The following TECTA variants were observed in gnomAD, a reference collection of about 807,000 sequenced individuals.
TECTA encodes alpha-tectorin.
TECTA carries 128 observed loss-of-function variants against 216.8 expected under a neutral mutation model. That is an observed-to-expected ratio of 0.59 (90% confidence interval 0.51 to 0.68). The LOEUF (loss-of-function observed/expected upper bound fraction) is 0.68. Among genes scored for constraint, TECTA ranks in the 30% least tolerant of loss-of-function variants. The pLI is 0.00. For missense variants in TECTA, 2,551 were observed against 2,786.2 expected (o/e 0.92, Z 1.90); for synonymous variants, 1,089 against 1,117.1 (o/e 0.97, Z 0.50).
Position 121,129,911 on chromosome 11 carries a change from T to C in TECTA, c.2641T>C (p.Phe881Leu). The change falls in exon 10 of 24, where the codon TTC (phenylalanine) becomes CTC (leucine). Residue 881 changes from phenylalanine to leucine, a missense_variant. This residue lies in a region of TECTA where 2,375 missense variants were observed against 2,563.9 expected (regional missense o/e 0.93). Transcript: ENST00000392793. ...LAVFLESWTT[F>L]EEICNGECGD... Reference sequence around the variant, plus strand: ...AGTGTTCCTGGAAAGCTGGACAACTTTCGAGGAGATCTGCAATGGAGAGTG... The same window carrying C: ...AGTGTTCCTGGAAAGCTGGACAACTCTCGAGGAGATCTGCAATGGAGAGTG... The C allele has an allele frequency of 6.2e-7, 1 of 1,613,896 alleles. No homozygotes were observed.
At chr11:121,146,856 T>C (rs374748429) in intron 12 of TECTA, among the ~76,000 whole-genome samples, 10 of 152,334 alleles carry the variant, frequency 6.6e-5, no homozygotes, top group Admixed American at 3.3e-4. Context: ...GCTAAACGTT[T>C]TATCAATATA....
At chr11:121,112,373 C>T (rs931569703) in intron 4 of TECTA, among the ~76,000 whole-genome samples, 4 of 152,156 alleles carry the variant, frequency 2.6e-5, no homozygotes, top group Non-Finnish European at 4.4e-5. Flanking sequence ...ACTCATTTCC[C>T]GCAGTCCCTA....
chr11:121,157,846 G>A lies in TECTA; in HGVS notation c.4311G>A (p.Lys1437=). ...AAACGGCGCCTCTCTTCCAGCCCAA[G>A]CAGCTATTTTGGAACAGCGACTGCA... ...CYSDGKYYEP[K]QLFWNSDCTR... The change falls in exon 14 of 24, where the codon AAG becomes AAA. Residue 1437 remains lysine (K), a synonymous_variant. Coordinates refer to ENST00000392793, the MANE Select transcript of TECTA (RefSeq NM_005422.4). 6.2e-7 allele frequency: 1 copy of A among 1,614,066 alleles called. No individual in the cohort carries two copies. The highest frequency in any genetic ancestry group is 8.5e-7 in the Non-Finnish European group (1 of 1,180,040).
At chr11:121,158,353 T>A in intron 14 of TECTA, 129 bp downstream of exon 14, 1 of 1,286,770 alleles carries the variant, frequency 7.8e-7, no homozygotes, top group Non-Finnish European at 1.1e-6. Context: ...CCACACACAG[T>A]GACCAGGTTT....
chr11:121,154,624 C>T (rs1051253254), intron 13 of TECTA, among the ~76,000 whole-genome samples: 1 of 152,206 alleles, frequency 6.6e-6, no homozygotes, highest in Non-Finnish European at 1.5e-5. Flanking sequence ...GTCAGTGTGG[C>T]ATAATTCAAT....
At chr11:121,156,048 G>A (rs573131454) in intron 13 of TECTA, among the ~76,000 whole-genome samples, 19 of 152,338 alleles carry the variant, frequency 1.2e-4, no homozygotes, top group African/African-American at 4.3e-4. Context: ...AAGAGGATGA[G>A]CCATTCTACT....
At chr11:121,190,246 G>A (rs911651604) in intron 23 of TECTA, 13 of 362,214 alleles carry the variant, frequency 3.6e-5, no homozygotes, top group African/African-American at 2.5e-4. Context: ...TGGTTTCCCT[G>A]ACCTCTTACA....
At chr11:121,128,432 C>A in intron 9 of TECTA, 88 bp downstream of exon 9, 1 of 1,307,212 alleles carries the variant, frequency 7.6e-7, no homozygotes. Context: ...GCCTTTCTGC[C>A]TCTGCCTATG....
rs921661130 is a variant in TECTA, at chr11:121,189,845, C to T, written c.6332C>T (p.Thr2111Ile). 9.9e-6 allele frequency: 16 copies of T among 1,613,526 alleles called. No homozygotes were observed. The highest frequency in any genetic ancestry group is 1.2e-5 in the Non-Finnish European group (14 of 1,179,950). The change falls in exon 23 of 24, where the codon ACA (threonine) becomes ATA (isoleucine). Residue 2111 changes from threonine (T) to isoleucine (I), a missense_variant. Thr to Ile is a moderately conservative substitution (Grantham distance 89, BLOSUM62 -1). Transcript: ENST00000392793. ...RVDGPLCSCV[T>I]GTLQEDGKSC... ...GATGGGCCTCTCTGCAGCTGTGTAA[C>T]AGGAACCCTGCAGGAGGACGGCAAG...
At chr11:121,173,988 G>A (rs964382496) in intron 20 of TECTA, among the ~76,000 whole-genome samples, 8 of 151,942 alleles carry the variant, frequency 5.3e-5, no homozygotes, top group African/African-American at 9.7e-5. Context: ...TTGGCTCTCT[G>A]TTTGTCTGTT....
At chr11:121,108,170 C>G (rs1235404175) in intron 3 of TECTA, among the ~76,000 whole-genome samples, 1 of 152,078 alleles carries the variant, frequency 6.6e-6, no homozygotes, top group East Asian at 1.9e-4. Flanking sequence ...AACTTTACTT[C>G]CATGCTTATT....
rs1946459015 is a variant in TECTA at position 121,113,182 on chromosome 11, G to A, written c.597G>A (p.Leu199=). The A allele has an allele frequency of 2.5e-6, 4 of 1,614,056 alleles. No individual in the cohort carries two copies. The highest frequency in any genetic ancestry group is 1.1e-5 in the South Asian group (1 of 91,064). The change falls in exon 5 of 24, where the codon CTG becomes CTA. Residue 199 remains leucine (L), a synonymous_variant. Coordinates refer to ENST00000392793, the MANE Select transcript of TECTA (RefSeq NM_005422.4). This position sits in a 1 kb window ranked among gnomAD's most constrained non-coding sequence, Gnocchi z 4.2. ...GGACGGCGAGTGGCGGCGACCCCCT[G>A]ACAGGTCTTGGTGGAGTGATGGCAC... ...TTGTASGGDP[L]TGLGGVMAQA...
intron 10 of TECTA, among the ~76,000 whole-genome samples, chr11:121,136,307 T>C (rs1261422777): frequency 6.6e-6 from 1 of 152,100 alleles, no homozygotes; most frequent in Non-Finnish European, 1.5e-5. Flanking sequence ...GATGGGCAAT[T>C]TGAAGTGAGA....
At chr11:121,172,911 G>C (rs1448455772) in intron 20 of TECTA, among the ~76,000 whole-genome samples, 2 of 149,500 alleles carry the variant, frequency 1.3e-5, no homozygotes, top group African/African-American at 4.9e-5. Context: ...TCTCATTGTG[G>C]TTTTGATTTG....
chr11:121,137,972 G>C lies in TECTA; in HGVS notation c.3493G>C (p.Val1165Leu), dbSNP rs373132598. 1 of 1,613,124 alleles carries C rather than the reference G, an allele frequency of 6.2e-7. No individual in the cohort carries two copies. Among genetic ancestry groups the C allele is most frequent in the East Asian group, 2.2e-5 (1 of 44,820 alleles). Reference protein sequence around the residue: ...ALWVKQVDVTVFGYSIVIHRA... With the variant: ...ALWVKQVDVTLFGYSIVIHRA... Reference sequence around the variant, plus strand: ...GTGGGTTAAGCAGGTGGACGTGACCGTGTTTGGCTACAGCATCGTGATCCA... The same window carrying C: ...GTGGGTTAAGCAGGTGGACGTGACCCTGTTTGGCTACAGCATCGTGATCCA... The change falls in exon 11 of 24, where the codon GTG (valine) becomes CTG (leucine). Residue 1165 changes from valine to leucine, a missense_variant. Around this residue, in one of 3 missense-constraint regions of TECTA, gnomAD observed 2,375 missense variants for 2,563.9 expected, o/e 0.93. Transcript: ENST00000392793.
intron 16 of TECTA, among the ~76,000 whole-genome samples, chr11:121,164,494 G>T (rs1591462431): frequency 6.6e-6 from 1 of 152,224 alleles, no homozygotes; most frequent in East Asian, 1.9e-4. Flanking sequence ...CCTAATTAGT[G>T]GTTCTCAGAC....
chr11:121,119,873 G>T (rs1296455192), intron 7 of TECTA, among the ~76,000 whole-genome samples: 2 of 152,198 alleles, frequency 1.3e-5, no homozygotes, highest in Non-Finnish European at 2.9e-5. Context: ...CAGTGTGCTT[G>T]CTATTTGGTT....
In TECTA at chr11:121,129,819, G is replaced by A. The variant is rs749506325; in HGVS notation, c.2549G>A (p.Gly850Asp). 12 of 1,614,084 alleles carry A rather than the reference G, an allele frequency of 7.4e-6. No homozygotes were observed. The Admixed American group carries it at 1.8e-4, about 25-fold the overall frequency. Residue 850 changes from glycine (G) to aspartate (D), a missense_variant, in exon 10 of 24, where the codon GGC becomes GAC. Physicochemically the swap from Gly to Asp is moderately conservative, Grantham distance 94. Transcript: ENST00000392793. ...TTCAATTGCACAGGGGGCTTGTGCG[G>A]CTTCTACAATGCCAACGCCAGTGAC... Reference protein sequence around the residue: ...TYFNCTGGLCGFYNANASDEF... With the variant: ...TYFNCTGGLCDFYNANASDEF...
Position 121,162,144 on chromosome 11 carries a change from C to A in TECTA, c.5046C>A (p.Ile1682=). 6.2e-7 allele frequency: 1 copy of A among 1,614,182 alleles called. No individual in the cohort carries two copies. Among genetic ancestry groups the A allele is most frequent in the Non-Finnish European group, 8.5e-7 (1 of 1,180,044 alleles). The change falls in exon 16 of 24, where the codon ATC becomes ATA. Residue 1682 remains isoleucine, a synonymous_variant. Coordinates refer to ENST00000392793, the MANE Select transcript of TECTA (RefSeq NM_005422.4). ...CAGCCATGTGTGACAATGTGCACAT[C>A]CAGAAGATGCAGGGTGATGGCTACT... ...QYAAMCDNVH[I]QKMQGDGYCL... is the part of the protein sequence containing the mutation.
Sources: gnomAD v4.1 joint callset for allele counts (sites outside exome capture counted in the v4.1 genomes callset) on GRCh38, gnomAD v4.1.1 for gene constraint, gnomAD v4.1.1 regional missense constraint, Gnocchi (gnomAD v3.1) non-coding constraint, MANE v1.5 for transcripts, NCBI Gene and HGNC (gene_info 2026-07-23, HGNC 2026-07-21) for gene names.